RRBP1: variants seen among roughly 807,000 people sequenced by gnomAD.
The protein encoded by RRBP1 is ribosome binding protein 1.
RRBP1 carries 94 observed loss-of-function variants against 165.2 expected under a neutral mutation model. That is an observed-to-expected ratio of 0.57 (90% CI 0.48 to 0.68). The LOEUF (loss-of-function observed/expected upper bound fraction) is 0.68. Ranked by LOEUF, RRBP1 falls within the 30% of genes least tolerant of loss-of-function variation. The probability of loss-of-function intolerance (pLI) is 0.00; values close to 1 mark genes in which losing one functional copy is unlikely to be tolerated. For synonymous variants in RRBP1, 680 were observed against 714.5 expected, an observed-to-expected ratio of 0.95 and a Z score of 0.77; for missense variants, 1,676 against 1,763.0, an observed-to-expected ratio of 0.95 and a Z score of 0.88.
chr20:17,649,791 G>A (rs2036524425), intron 3 of RRBP1, among the ~76,000 whole-genome samples: 2 of 152,096 alleles, frequency 1.3e-5, no homozygotes, highest in South Asian at 4.2e-4. Flanking sequence ...CCTATTGTAG[G>A]GGTAGAATGG....
chr20:17,630,664 T>C (rs544101254), intron 8 of RRBP1, among the ~76,000 whole-genome samples: 3 of 152,250 alleles, frequency 2.0e-5, no homozygotes, highest in Non-Finnish European at 2.9e-5. Flanking sequence ...CTCATCCACC[T>C]GTAAAGGATT....
intron 2 of RRBP1, among the ~76,000 whole-genome samples, chr20:17,668,447 C>CTGAG (rs1483899413): frequency 6.6e-6 from 1 of 152,166 alleles, no homozygotes; most frequent in African/African-American, 2.4e-5. Context: ...CCTTAATGGG[C>CTGAG]TGAGTTGTGG....
rs2037031795 is a variant in RRBP1 at position 17,674,217 on chromosome 20, T to A, written c.-22+5782A>T. ...TAGAAAGGGCTAGAAATCTAGTATCTACTCTTCTTCACCTAAAATCAACAG... is the reference window on the plus strand; with the variant it reads ...TAGAAAGGGCTAGAAATCTAGTATCAACTCTTCTTCACCTAAAATCAACAG... On this transcript the variant is annotated intron_variant, in intron 2 of 24. Coordinates refer to ENST00000377813, the MANE Select transcript of RRBP1 (RefSeq NM_001365613.2). Among the ~76,000 whole-genome samples the A allele has an allele frequency of 1.3e-5, 2 of 152,220 alleles. 1 individual carries two copies. Among genetic ancestry groups the A allele is most frequent in the South Asian group, 4.1e-4 (2 of 4,832 alleles).
chr20:17,629,990 G>T, intron 8 of RRBP1, 29 bp from the exon 9 acceptor site: 1 of 1,579,672 alleles, frequency 6.3e-7, no homozygotes, highest in Non-Finnish European at 8.6e-7. Context: ...GTGGGGCAGT[G>T]AAGACGTGGA....
At chr20:17,679,303 G>C (rs1186809629) in intron 2 of RRBP1, among the ~76,000 whole-genome samples, 2 of 152,198 alleles carry the variant, frequency 1.3e-5, no homozygotes, top group Non-Finnish European at 2.9e-5. Flanking sequence ...AACAGGTATG[G>C]GGGCGCTGTC....
intron 1 of RRBP1, among the ~76,000 whole-genome samples, chr20:17,681,275 C>G (rs925474354): frequency 1.3e-5 from 2 of 148,492 alleles, no homozygotes; most frequent in Non-Finnish European, 3.0e-5. Context: ...GCAGCCCAGC[C>G]GGGGAAACGG....
intron 12 of RRBP1, 140 bp downstream of exon 12, chr20:17,625,372 C>A: frequency 2.8e-6 from 2 of 710,546 alleles, no homozygotes; most frequent in Non-Finnish European, 4.8e-6. Flanking sequence ...ACACCCTGGA[C>A]CCCCACAGCA....
At chr20:17,635,895 C>T (rs1245754879) in intron 6 of RRBP1, among the ~76,000 whole-genome samples, 1 of 152,240 alleles carries the variant, frequency 6.6e-6, no homozygotes, top group African/African-American at 2.4e-5. Context: ...CTCCTCACTG[C>T]TCATGGCCTG....
At chr20:17,618,726 G>C in intron 19 of RRBP1, 47 bp from the exon 20 acceptor site, 1 of 1,462,334 alleles carries the variant, frequency 6.8e-7, no homozygotes, top group South Asian at 1.1e-5. Context: ...GGAGAGAAAA[G>C]GAGAAAACCA....
At chr20:17,642,018 G>C in intron 4 of RRBP1, 99 bp from the exon 5 acceptor site, 1 of 1,328,694 alleles carries the variant, frequency 7.5e-7, no homozygotes, top group African/African-American at 1.5e-5. Flanking sequence ...TTGATGAAGT[G>C]GAGCAGGGGC....
chr20:17,673,696 C>A (rs527846236), intron 2 of RRBP1, among the ~76,000 whole-genome samples: 1 of 152,208 alleles, frequency 6.6e-6, no homozygotes, highest in Non-Finnish European at 1.5e-5. Flanking sequence ...GGCTGAGCCA[C>A]CATGCCCGGC....
intron 3 of RRBP1, among the ~76,000 whole-genome samples, chr20:17,652,705 G>C (rs1014459401): frequency 2.6e-5 from 4 of 152,168 alleles, no homozygotes; most frequent in African/African-American, 9.7e-5. Flanking sequence ...CTGACAGGAA[G>C]CTCAGCCCCA....
chr20:17,635,529 AG>A lies in RRBP1; in HGVS notation c.2456+16del. The A allele has an allele frequency of 6.3e-7, 1 of 1,576,082 alleles. No individual in the cohort carries two copies. Among genetic ancestry groups the A allele is most frequent in the Non-Finnish European group, 8.7e-7 (1 of 1,152,816 alleles). Reference sequence around the variant, plus strand: ...AGGGCCCTTGGGGAGGTGCTGAGGCAGGAAAGCTCAGCTTACTTGCTCTCCA... The same window carrying A: ...AGGGCCCTTGGGGAGGTGCTGAGGCAGAAAGCTCAGCTTACTTGCTCTCCA... On this transcript the variant is annotated intron_variant, in intron 7 of 24. Coordinates refer to ENST00000377813, the MANE Select transcript of RRBP1 (RefSeq NM_001365613.2).
intron 2 of RRBP1, among the ~76,000 whole-genome samples, chr20:17,672,844 T>C (rs910557952): frequency 2.2e-4 from 33 of 152,168 alleles, no homozygotes; most frequent in African/African-American, 7.7e-4. Flanking sequence ...ACCTGACAAG[T>C]CTTACACGTA....
At position 17,615,412 on chromosome 20, in the gene RRBP1, C is replaced by T. The variant is rs370185025; in HGVS notation, c.4050+19G>A. The T allele has an allele frequency of 6.3e-6, 10 of 1,593,326 alleles. No individual in the cohort carries two copies. Among genetic ancestry groups the T allele is most frequent in the South Asian group, 1.1e-5 (1 of 89,046 alleles). ...GAGCAGACCCTCCAGGTGTGACCCCCGCCCCAGCCCCTGCCTGCCTTCAGC... is the reference window on the plus strand; with the variant it reads ...GAGCAGACCCTCCAGGTGTGACCCCTGCCCCAGCCCCTGCCTGCCTTCAGC... On this transcript the variant is annotated intron_variant, in intron 23 of 24. Transcript: ENST00000377813.
chr20:17,615,918 G>T lies in RRBP1; in HGVS notation c.3951+8C>A. On this transcript the variant is annotated splice_region_variant and intron_variant, in intron 22 of 24. Coordinates refer to ENST00000377813, the MANE Select transcript of RRBP1 (RefSeq NM_001365613.2). The stretch of plus-strand genomic sequence containing the variant: ...ATGGGGGCTGAGAGCCACCAGGCAG[G>T]GCCTGACCTCCTCAAACTCGGCCGT... 6.2e-7 allele frequency: 1 copy of T among 1,608,396 alleles called. No individual in the cohort carries two copies.
chr20:17,622,093 A>T (rs2035927267), intron 13 of RRBP1, 146 bp from the exon 14 acceptor site: 2 of 657,748 alleles, frequency 3.0e-6, no homozygotes, highest in East Asian at 2.7e-5. Flanking sequence ...TCAAAGGAGA[A>T]GATGAGGCTC....
In RRBP1 at chr20:17,627,542, G is replaced by A. The variant is rs2036051939; in HGVS notation, c.2890C>T (p.Leu964=). The change falls in exon 10 of 25, where the codon CTG becomes TTG. Residue 964 remains leucine, a synonymous_variant. Transcript: ENST00000377813. ...GCATCCCGCGCCTGGCCCGCCTCCA[G>A]CAGGGCCTCAATGGAACGGATTCTC... ...TERIRSIEAL[L]EAGQARDAQD... 3.1e-6 allele frequency: 5 copies of A among 1,612,858 alleles called. No homozygotes were observed. The highest frequency in any genetic ancestry group is 4.5e-5 in the East Asian group (2 of 44,874).
intron 1 of RRBP1, among the ~76,000 whole-genome samples, chr20:17,680,936 A>G (rs550487670): frequency 6.6e-6 from 1 of 152,256 alleles, no homozygotes; most frequent in Non-Finnish European, 1.5e-5. Flanking sequence ...ACCCCGAACG[A>G]AACAACTTGG....
Sources: gnomAD v4.1 joint callset for allele counts (sites outside exome capture counted in the v4.1 genomes callset) on GRCh38, gnomAD v4.1.1 for gene constraint, MANE v1.5 for transcripts, NCBI Gene and HGNC (gene_info 2026-07-23, HGNC 2026-07-21) for gene names.